Variants in UNC79 observed in about 807,000 individuals in gnomAD.
UNC79 encodes protein unc-79 homolog.
In UNC79, 37 loss-of-function variants were observed where a neutral mutation model predicts 283.1. That is an observed-to-expected ratio of 0.13 (90% CI 0.10 to 0.17). The LOEUF (loss-of-function observed/expected upper bound fraction) is 0.17, where lower values mean the gene tolerates loss of function less well. UNC79 is among the 10% of genes least tolerant of loss of function. The probability of loss-of-function intolerance (pLI) is 1.00; values close to 1 mark genes in which losing one functional copy is unlikely to be tolerated. For missense variants in UNC79, 2,272 were observed against 3,211.1 expected (o/e 0.71, Z 7.07); for synonymous variants, 1,107 against 1,200.2 (o/e 0.92, Z 1.61).
At chr14:93,375,771 C>T (rs1164225224) in intron 1 of UNC79, among the ~76,000 whole-genome samples, 2 of 152,106 alleles carry the variant, frequency 1.3e-5, no homozygotes, top group Non-Finnish European at 2.9e-5. Flanking sequence ...AAGGGGATGG[C>T]ACTAAACCAT....
intron 1 of UNC79, among the ~76,000 whole-genome samples, chr14:93,364,336 AT>A (rs2054286715): frequency 1.3e-5 from 2 of 152,230 alleles, no homozygotes; most frequent in African/African-American, 4.8e-5. Flanking sequence ...TAATATAAAT[AT>A]AGTGCTATAG....
chr14:93,405,197 C>A (rs919851253), intron 1 of UNC79, among the ~76,000 whole-genome samples: 1 of 151,456 alleles, frequency 6.6e-6, no homozygotes, highest in Non-Finnish European at 1.5e-5. Context: ...GTAGGAAAAT[C>A]GCTTGAACCT....
At chr14:93,378,633 T>G (rs1297020536) in intron 1 of UNC79, among the ~76,000 whole-genome samples, 2 of 152,200 alleles carry the variant, frequency 1.3e-5, no homozygotes, top group Non-Finnish European at 2.9e-5. Flanking sequence ...TCAAATAATT[T>G]TATGCATGAA....
exon 2 of UNC79, chr14:93,467,722 A>G (rs2057287133): frequency 6.9e-7 from 1 of 1,453,976 alleles, no homozygotes; most frequent in Non-Finnish European, 9.0e-7. Context: ...GTTCTCCACA[A>G]CATTTATCCT....
chr14:93,496,011 G>A (rs1461888383), intron 5 of UNC79, among the ~76,000 whole-genome samples: 1 of 152,192 alleles, frequency 6.6e-6, no homozygotes, highest in Non-Finnish European at 1.5e-5. Flanking sequence ...GCAATTGTGA[G>A]ATAATACATA....
chr14:93,521,714 T>C (rs1373362388), intron 7 of UNC79, among the ~76,000 whole-genome samples: 2 of 150,908 alleles, frequency 1.3e-5, no homozygotes, highest in Non-Finnish European at 3.0e-5. Flanking sequence ...TACCAATTTT[T>C]CTATCATAGT....
chr14:93,489,287 C>T (rs1391023502), intron 5 of UNC79, among the ~76,000 whole-genome samples: 1 of 152,174 alleles, frequency 6.6e-6, no homozygotes, highest in African/African-American at 2.4e-5. Flanking sequence ...GTATTCCACC[C>T]TATTTTCTGA....
At chr14:93,540,595 A>C in intron 12 of UNC79, 65 bp from the exon 13 acceptor site, 1 of 1,559,188 alleles carries the variant, frequency 6.4e-7, no homozygotes, top group Non-Finnish European at 8.6e-7. Flanking sequence ...ACTTCCTCTG[A>C]ATGGGTCATG....
exon 46 of UNC79, chr14:93,691,871 G>T (rs150304117): frequency 3.2e-5 from 52 of 1,614,026 alleles, no homozygotes; most frequent in Non-Finnish European, 4.0e-5. Context: ...TCAGCTTCAC[G>T]GCGATACTGA....
intron 22 of UNC79, among the ~76,000 whole-genome samples, chr14:93,592,827 T>C (rs894859418): frequency 4.6e-5 from 7 of 152,236 alleles, no homozygotes; most frequent in Admixed American, 2.0e-4. Context: ...AGCTGAAACT[T>C]GCTGAGGTGC....
At chr14:93,507,814 T>G (rs2059619867) in intron 7 of UNC79, among the ~76,000 whole-genome samples, 1 of 152,214 alleles carries the variant, frequency 6.6e-6, no homozygotes, top group Non-Finnish European at 1.5e-5. Context: ...GATTTTCTCC[T>G]TCCAGAAGGT....
At chr14:93,404,509 T>TATATATATATATATATATATATAG (rs1566915254) in intron 1 of UNC79, among the ~76,000 whole-genome samples, 1 of 113,980 alleles carries the variant, frequency 8.8e-6, no homozygotes. Flanking sequence ...TATATATATA[T>TATATATATATATATATATATATAG]ATATAAATAT....
chr14:93,585,299 G>T (rs1402585238), intron 20 of UNC79, among the ~76,000 whole-genome samples: 2 of 152,264 alleles, frequency 1.3e-5, no homozygotes, highest in East Asian at 3.9e-4. Context: ...CTTCTGCTCT[G>T]CGGGCCTTCA....
At chr14:93,378,220 C>A (rs1438552767) in intron 1 of UNC79, among the ~76,000 whole-genome samples, 4 of 152,190 alleles carry the variant, frequency 2.6e-5, no homozygotes, top group Non-Finnish European at 5.9e-5. Context: ...CAAGATAATA[C>A]TTCTCAGCTT....
intron 22 of UNC79, among the ~76,000 whole-genome samples, chr14:93,588,984 A>G (rs1363844173): frequency 1.3e-5 from 2 of 152,120 alleles, no homozygotes. Flanking sequence ...AAGCCTTAAG[A>G]ATATTAGGTG....
Position 93,496,395 on chromosome 14 carries a change from A to AT in UNC79, c.713-12dup. 6.6e-7 allele frequency: 1 copy of AT among 1,505,514 alleles called. No homozygotes were observed. 93.3% of individuals were successfully genotyped at this position (1,505,514 alleles called of 1,614,324 possible). A position where few individuals can be genotyped will look rare whatever the true frequency, so the allele number is the denominator to read the frequency against. Reference sequence around the variant, plus strand: ...TATTTACATTTCATGTATGAATTACATTTTCTACATTACAGTGTATCATTG... The same window carrying AT: ...TATTTACATTTCATGTATGAATTACATTTTTCTACATTACAGTGTATCATTG... On this transcript the variant is annotated splice_polypyrimidine_tract_variant and intron_variant, in intron 5 of 48. Transcript: ENST00000555664.
At chr14:93,550,594 TA>T (rs2061843526) in intron 14 of UNC79, among the ~76,000 whole-genome samples, 2 of 148,514 alleles carry the variant, frequency 1.3e-5, no homozygotes, top group South Asian at 4.3e-4. Context: ...TTTTACAAAA[TA>T]ATGTAAGTAA....
rs189445506 is a variant in UNC79 at position 93,468,303 on chromosome 14, G to T, written c.143+512G>T. ...CTATGAAGGACAAGGAAAAAAAATA[G>T]GGCTCTTTTTCTTTTGTCTACTTTT... On this transcript the variant is annotated intron_variant, in intron 2 of 48. Transcript: ENST00000555664. 2.0e-5 allele frequency among the ~76,000 whole-genome samples: 3 copies of T among 152,220 alleles called. No homozygotes were observed. The East Asian group carries it at 5.8e-4, about 29-fold the overall frequency.
intron 1 of UNC79, among the ~76,000 whole-genome samples, chr14:93,465,086 CTT>C (rs1209366904): frequency 6.6e-6 from 1 of 152,148 alleles, no homozygotes; most frequent in African/African-American, 2.4e-5. Flanking sequence ...TCACCACTCT[CTT>C]CCTCTTTCTC....
Sources: gnomAD v4.1 joint callset for allele counts (sites outside exome capture counted in the v4.1 genomes callset) on GRCh38, gnomAD v4.1.1 for gene constraint, MANE v1.5 for transcripts, NCBI Gene and HGNC (gene_info 2026-07-23, HGNC 2026-07-21) for gene names.